Variants in C8orf76 observed in about 807,000 individuals in gnomAD.
The protein encoded by C8orf76 is chromosome 8 open reading frame 76, also known as uncharacterized protein C8orf76.
A neutral mutation model predicts 38.1 loss-of-function variants in C8orf76; 46 were observed. The ratio of observed to expected loss-of-function variants is 1.21; its 90% CI spans 0.95 to 1.54. The LOEUF is 1.54. Among genes scored for constraint, C8orf76 ranks in the 40% most tolerant of loss-of-function variants. The pLI is 0.00. For missense variants in C8orf76, 461 were observed against 441.6 expected, an observed-to-expected ratio of 1.04 and a Z score of -0.39; for synonymous variants, 166 against 167.5, an observed-to-expected ratio of 0.99 and a Z score of 0.07.
intron 5 of C8orf76, among the ~76,000 whole-genome samples, chr8:123,221,447 T>C (rs867914875): frequency 6.6e-6 from 1 of 152,098 alleles, no homozygotes; most frequent in Non-Finnish European, 1.5e-5. Flanking sequence ...AAAAGTATCA[T>C]TTTTTTGAGT....
At chr8:123,238,108 T>A (rs1825560978) in intron 2 of C8orf76, among the ~76,000 whole-genome samples, 167 bp from the exon 3 acceptor site, 1 of 152,214 alleles carries the variant, frequency 6.6e-6, no homozygotes, top group South Asian at 2.1e-4. Flanking sequence ...ATTCTAGTGA[T>A]ATGGTTTAGC....
At chr8:123,234,317 G>A (rs1176446833) in intron 3 of C8orf76, among the ~76,000 whole-genome samples, 1 of 152,048 alleles carries the variant, frequency 6.6e-6, no homozygotes, top group Non-Finnish European at 1.5e-5. Flanking sequence ...TATACTAAAA[G>A]TCAAGGAATA....
At chr8:123,235,137 T>C (rs954219636) in intron 3 of C8orf76, among the ~76,000 whole-genome samples, 8 of 152,170 alleles carry the variant, frequency 5.3e-5, no homozygotes, top group African/African-American at 1.9e-4. Flanking sequence ...AGGAGTCACT[T>C]ACTACCAGAA....
Position 123,220,003 on chromosome 8 carries a change from T to A in C8orf76, c.*100A>T, listed in dbSNP as rs1824859509. 1 of 641,838 alleles carries A rather than the reference T, an allele frequency of 1.6e-6. No individual in the cohort carries two copies. Among genetic ancestry groups the A allele is most frequent in the Non-Finnish European group, 2.5e-6 (1 of 401,324 alleles). The allele number at this position is 641,838 out of a possible 1,614,324, so 39.8% of individuals were successfully genotyped here. ...AGAAGCCAGTTTTATAAAACATAAA[T>A]AATCATTTATACTCCATGATTAGCA... On this transcript the variant is annotated 3_prime_UTR_variant, in exon 6 of 6. Transcript: ENST00000276704.
chr8:123,220,537 C>A (rs1824872817), intron 5 of C8orf76, among the ~76,000 whole-genome samples: 1 of 152,212 alleles, frequency 6.6e-6, no homozygotes, highest in African/African-American at 2.4e-5. Context: ...AATAAAATAT[C>A]CCATATTTCT....
chr8:123,225,949 G>T (rs1271767598), intron 5 of C8orf76, among the ~76,000 whole-genome samples: 1 of 151,820 alleles, frequency 6.6e-6, no homozygotes, highest in East Asian at 1.9e-4. Context: ...GTTAATGAAG[G>T]TTTACATGTT....
In C8orf76 at chr8:123,241,310, C is replaced by T. The variant is rs778931986; in HGVS notation, c.37G>A (p.Glu13Lys). 4 of 1,573,588 alleles carry T rather than the reference C, an allele frequency of 2.5e-6. No homozygotes were observed. The highest frequency in any genetic ancestry group is 2.5e-5 in the East Asian group (1 of 40,642). Residue 13 changes from glutamate to lysine, a missense_variant, in exon 1 of 6, where the codon GAG becomes AAG. Glu to Lys is a moderately conservative substitution (Grantham distance 56). Coordinates refer to ENST00000276704, the MANE Select transcript of C8orf76 (RefSeq NM_032847.3). ...SGCWLFGGEF[E>K]DSVFEERPER... ...GGCCTCTCCTCGAACACCGAGTCCT[C>T]GAACTCGCCGCCGAACAACCAGCAC...
At chr8:123,229,796 C>T (rs1180899023) in intron 4 of C8orf76, among the ~76,000 whole-genome samples, 1 of 152,176 alleles carries the variant, frequency 6.6e-6, no homozygotes, top group Admixed American at 6.5e-5. Flanking sequence ...GCGGGTGGAT[C>T]ACCTGAGGTC....
chr8:123,237,089 G>A (rs895800047), intron 3 of C8orf76: 33 of 1,084,316 alleles, frequency 3.0e-5, no homozygotes, highest in South Asian at 1.1e-4. Flanking sequence ...CCGCCAGCTC[G>A]CCCAGAAATA....
intron 2 of C8orf76, chr8:123,238,685 C>T (rs534817637): frequency 8.4e-5 from 14 of 166,388 alleles, no homozygotes; most frequent in East Asian, 1.7e-4. Context: ...ACATATGTAA[C>T]GCAATCTAAC....
intron 5 of C8orf76, among the ~76,000 whole-genome samples, 193 bp from the exon 6 acceptor site, chr8:123,220,490 G>GA (rs148428162): frequency 0.036 from 5,433 of 152,188 alleles, 315 homozygotes; most frequent in African/African-American, 0.12. Context: ...GACTGTGCCC[G>GA]ATCTTATCTG....
At position 123,231,321 on chromosome 8, in the gene C8orf76, C is replaced by A; in HGVS notation, c.794G>T (p.Cys265Phe). The A allele has an allele frequency of 5.6e-6, 9 of 1,610,950 alleles. No individual in the cohort carries two copies. The highest frequency in any genetic ancestry group is 7.6e-6 in the Non-Finnish European group (9 of 1,178,722). The stretch of plus-strand genomic sequence containing the variant: ...TTACCTGGTTCGTATAAAAGAGGCA[C>A]ATGCTTTCAGCTGAGTCTCTATCAA... Reference protein sequence around the residue: ...TVLIETQLKACASFIRTRLLL... With the variant: ...TVLIETQLKAFASFIRTRLLL... Residue 265 changes from cysteine (C) to phenylalanine (F), a missense_variant, in exon 4 of 6, where the codon TGT becomes TTT. By Grantham distance (205) the Cys-to-Phe change is radical (BLOSUM62 -2). Coordinates refer to ENST00000276704, the MANE Select transcript of C8orf76 (RefSeq NM_032847.3).
chr8:123,230,655 CT>C (rs1171156477), intron 4 of C8orf76, among the ~76,000 whole-genome samples: 207 of 140,054 alleles, frequency 1.5e-3, no homozygotes, highest in Middle Eastern at 3.7e-3. Context: ...CTGGTCAACT[CT>C]TTTTTTTTTT....
chr8:123,237,581 T>G (rs1825544397), intron 3 of C8orf76, among the ~76,000 whole-genome samples: 1 of 152,152 alleles, frequency 6.6e-6, no homozygotes, highest in Non-Finnish European at 1.5e-5. Flanking sequence ...ATACAGAATT[T>G]TGAGCATGAC....
At chr8:123,227,931 C>A (rs1014126729) in intron 4 of C8orf76, among the ~76,000 whole-genome samples, 30 of 152,310 alleles carry the variant, frequency 2.0e-4, no homozygotes, top group African/African-American at 6.5e-4. Flanking sequence ...CATTCACCTT[C>A]GTTACCCCTT....
chr8:123,235,320 C>T (rs1563801365), intron 3 of C8orf76, among the ~76,000 whole-genome samples: 1 of 152,090 alleles, frequency 6.6e-6, no homozygotes, highest in Non-Finnish European at 1.5e-5. Context: ...ATGGCCACCC[C>T]GGGACTTGCT....
At chr8:123,225,693 G>A (rs1452193705) in intron 5 of C8orf76, among the ~76,000 whole-genome samples, 1 of 152,158 alleles carries the variant, frequency 6.6e-6, no homozygotes, top group Admixed American at 6.5e-5. Context: ...TTGGGAGGCC[G>A]AGGTGGGTAG....
In C8orf76 at chr8:123,231,306, C is replaced by A. The variant is rs369018257; in HGVS notation, c.809G>T (p.Arg270Leu). ...TQLKACASFI[R>L]TRLLLQFTQP... ...TAAGTGACTCTCAGCTTACCTGGTTCGTATAAAAGAGGCACATGCTTTCAG... is the reference window on the plus strand; with the variant it reads ...TAAGTGACTCTCAGCTTACCTGGTTAGTATAAAAGAGGCACATGCTTTCAG... The change falls in exon 4 of 6, where the codon CGA becomes CTA. Residue 270 changes from arginine (R) to leucine (L), a missense_variant. By Grantham distance (102) the Arg-to-Leu change is moderately radical. Coordinates refer to ENST00000276704, the MANE Select transcript of C8orf76 (RefSeq NM_032847.3). The A allele has an allele frequency of 6.2e-7, 1 of 1,603,966 alleles. No individual in the cohort carries two copies. Among genetic ancestry groups the A allele is most frequent in the African/African-American group, 1.3e-5 (1 of 74,260 alleles).
At chr8:123,225,302 A>T (rs1474520187) in intron 5 of C8orf76, among the ~76,000 whole-genome samples, 1 of 152,128 alleles carries the variant, frequency 6.6e-6, no homozygotes, top group Non-Finnish European at 1.5e-5. Flanking sequence ...TCTGATGAGT[A>T]GTTCCATTTT....
Sources: gnomAD v4.1 joint callset for allele counts (sites outside exome capture counted in the v4.1 genomes callset) on GRCh38, gnomAD v4.1.1 for gene constraint, MANE v1.5 for transcripts, NCBI Gene and HGNC (gene_info 2026-07-23, HGNC 2026-07-21) for gene names.